Variants in ZBED6 observed in about 807,000 individuals in gnomAD.
ZBED6 encodes zinc finger BED domain-containing protein 6.
Under a neutral mutation model 58.4 loss-of-function variants are expected in ZBED6, and 40 were observed. The observed-to-expected ratio is 0.68, with a 90% CI of 0.53 to 0.89. The LOEUF (loss-of-function observed/expected upper bound fraction) is 0.89. ZBED6 is among the 40% of genes least tolerant of loss of function. The pLI is 0.00. For missense variants in ZBED6, 1,057 were observed against 1,003.9 expected, an observed-to-expected ratio of 1.05 and a Z score of -0.71; for synonymous variants, 439 against 350.6, an observed-to-expected ratio of 1.25 and a Z score of -2.82.
At chr1:203,821,913 A>C (rs1447399560) in intron 3 of ZBED6, among the ~76,000 whole-genome samples, 1 of 151,882 alleles carries the variant, frequency 6.6e-6, no homozygotes, top group Non-Finnish European at 1.5e-5. Context: ...GCCCGCCACC[A>C]CGCCCGGCTA....
At chr1:203,835,162 C>T (rs1683874906) in intron 9 of ZBED6, among the ~76,000 whole-genome samples, 1 of 152,184 alleles carries the variant, frequency 6.6e-6, no homozygotes, top group Non-Finnish European at 1.5e-5. Flanking sequence ...ACTTTACGCT[C>T]TAAGTAATAA....
In ZBED6 at chr1:203,850,931, T is replaced by C. The variant is rs1021678498; in HGVS notation, c.*4806-126T>C. On this transcript the variant is annotated intron_variant, in intron 15 of 16. Transcript: ENST00000550078. ...ATTTATATACTCAACCTTTAGATTA[T>C]CGATTCTTAGATTCACAGGCTTAAA... The C allele has an allele frequency of 2.4e-6, 3 of 1,268,488 alleles. No homozygotes were observed. In the Admixed American group the frequency reaches 6.5e-5, roughly 28 times the overall value. The allele number at this position is 1,268,488 out of a possible 1,614,324, so 78.6% of individuals were successfully genotyped here.
chr1:203,847,306 G>A, exon 12 of ZBED6: 1 of 1,613,858 alleles, frequency 6.2e-7, no homozygotes, highest in Non-Finnish European at 8.5e-7. Context: ...TTCAAAAACT[G>A]ATGATTCTAC....
chr1:203,833,681 C>G, intron 8 of ZBED6, 110 bp from the exon 9 acceptor site: 1 of 528,920 alleles, frequency 1.9e-6, no homozygotes, highest in Non-Finnish European at 2.7e-6. Context: ...TTTCAAGAGA[C>G]TTTCTGGGTG....
At chr1:203,850,961 C>T in intron 15 of ZBED6, 96 bp from the exon 16 acceptor site, 1 of 1,413,082 alleles carries the variant, frequency 7.1e-7, no homozygotes, top group Non-Finnish European at 9.9e-7. Context: ...CTTAAAGAAT[C>T]ATAGCCACAA....
At position 203,799,148 on chromosome 1, in the gene ZBED6, A is replaced by C. The variant is rs567257053; in HGVS notation, c.1626A>C (p.Glu542Asp). The change falls in exon 1 of 17, where the codon GAA (glutamate) becomes GAC (aspartate). Residue 542 changes from glutamate (E) to aspartate (D), a missense_variant. Glu to Asp is a conservative substitution (Grantham distance 45, BLOSUM62 2). Transcript: ENST00000550078. Reference sequence around the variant, plus strand: ...GTTTGATAACCAATATTTTACAAGAATTAAATGACCAGATTGGTCTGTGGC... The same window carrying C: ...GTTTGATAACCAATATTTTACAAGACTTAAATGACCAGATTGGTCTGTGGC... 2.7e-6 allele frequency: 4 copies of C among 1,484,284 alleles called. No individual in the cohort carries two copies. The South Asian group carries it at 4.8e-5, about 18-fold the overall frequency. 91.9% of individuals were successfully genotyped at this position (1,484,284 alleles called of 1,614,324 possible).
chr1:203,830,001 A>G, intron 6 of ZBED6, 105 bp downstream of exon 6: 1 of 1,271,652 alleles, frequency 7.9e-7, no homozygotes, highest in Non-Finnish European at 1.1e-6. Context: ...TGCTACACGC[A>G]TACTTACCTA....
intron 1 of ZBED6, among the ~76,000 whole-genome samples, chr1:203,808,856 G>GT (rs1673278375): frequency 6.6e-6 from 1 of 151,896 alleles, no homozygotes. Context: ...TTGAGAAGGC[G>GT]TTTTTCTGTT....
intron 1 of ZBED6, among the ~76,000 whole-genome samples, chr1:203,803,509 G>A (rs1159702896): frequency 2.0e-5 from 3 of 152,086 alleles, no homozygotes; most frequent in African/African-American, 7.2e-5. Context: ...TTCTTTCTTT[G>A]TTTTGATAAT....
chr1:203,819,075 AAAAT>A (rs1373628980), intron 3 of ZBED6, among the ~76,000 whole-genome samples: 5 of 92,566 alleles, frequency 5.4e-5, no homozygotes, highest in East Asian at 3.0e-4. Flanking sequence ...CTCAAAAAAA[AAAAT>A]ATATATATAT....
intron 2 of ZBED6, 26 bp downstream of exon 2, chr1:203,817,150 TTC>T (rs762223603): frequency 1.3e-6 from 2 of 1,567,292 alleles, no homozygotes; most frequent in East Asian, 2.3e-5. Context: ...TTTAAATCAG[TTC>T]TTTCTACAAT....
At position 203,813,292 on chromosome 1, in the gene ZBED6, C is replaced by T. The variant is rs146055859; in HGVS notation, c.*2555-3634C>T. Among the ~76,000 whole-genome samples, 359 of 151,872 alleles carry T rather than the reference C, an allele frequency of 2.4e-3. 1 individual carries two copies. The East Asian group carries it at 0.026, about 11-fold the overall frequency. ...TGTGATCTCAGCTCACTGCAACCTC[C>T]GCCTCCCAGGTTCAAGCAATTCTCT... On this transcript the variant is annotated intron_variant, in intron 1 of 16. Transcript: ENST00000550078.
At chr1:203,806,731 T>G (rs1672474550) in intron 1 of ZBED6, among the ~76,000 whole-genome samples, 1 of 152,150 alleles carries the variant, frequency 6.6e-6, no homozygotes, top group African/African-American at 2.4e-5. Flanking sequence ...TTTACCATAT[T>G]GCATATGCTG....
chr1:203,804,880 C>G (rs1255579103), intron 1 of ZBED6, among the ~76,000 whole-genome samples: 1 of 151,478 alleles, frequency 6.6e-6, no homozygotes, highest in Non-Finnish European at 1.5e-5. Context: ...ATCATATTGG[C>G]CAGGCTGGTC....
chr1:203,800,107 C>G (rs921310418), exon 1 of ZBED6: 2 of 1,536,032 alleles, frequency 1.3e-6, no homozygotes, highest in African/African-American at 2.7e-5. Flanking sequence ...ATGTTCCCTT[C>G]TGCTGTAGCA....
chr1:203,850,996 T>G, intron 15 of ZBED6, 61 bp from the exon 16 acceptor site: 1 of 1,571,596 alleles, frequency 6.4e-7, no homozygotes, highest in Non-Finnish European at 8.7e-7. Context: ...CAAAAGAAAA[T>G]GAATATGCTC....
At chr1:203,831,567 A>G (rs1682387433) in intron 7 of ZBED6, 94 bp from the exon 8 acceptor site, 2 of 958,378 alleles carry the variant, frequency 2.1e-6, no homozygotes, top group Non-Finnish European at 3.3e-6. Flanking sequence ...ATCAGTCTGT[A>G]TTGGACTTAA....
At chr1:203,819,995 A>AC (rs1338675351) in intron 3 of ZBED6, among the ~76,000 whole-genome samples, 1 of 151,474 alleles carries the variant, frequency 6.6e-6, no homozygotes, top group Non-Finnish European at 1.5e-5. Context: ...CCAGCACTTT[A>AC]CTAGGCTGAG....
intron 11 of ZBED6, among the ~76,000 whole-genome samples, chr1:203,840,738 A>G (rs1402654806): frequency 2.0e-5 from 3 of 151,948 alleles, no homozygotes. Flanking sequence ...GGTTCAAGCA[A>G]TTCCCCTGCC....
Sources: allele counts gnomAD v4.1 joint callset (sites outside exome capture counted in the v4.1 genomes callset), GRCh38; gene constraint gnomAD v4.1.1; transcripts MANE v1.5; gene names NCBI Gene and HGNC (gene_info 2026-07-23, HGNC 2026-07-21).